Variants in NRG1 observed in about 807,000 individuals in gnomAD.
NRG1 encodes pro-neuregulin-1, membrane-bound isoform.
NRG1 carries 18 observed loss-of-function variants against 63.8 expected under a neutral mutation model. That is an observed-to-expected ratio of 0.28 (90% CI 0.19 to 0.42). NRG1 has a LOEUF of 0.42. Ranked by LOEUF, NRG1 falls within the 10% of genes least tolerant of loss-of-function variation. The pLI, the probability that NRG1 is intolerant of heterozygous loss-of-function variation, is 1.00. For synonymous variants in NRG1, 302 were observed against 301.3 expected (o/e 1.00, Z -0.02); for missense variants, 762 against 814.7 (o/e 0.94, Z 0.79).
At chr8:32,228,527 G>A (rs911029713) in intron 1 of NRG1, among the ~76,000 whole-genome samples, 18 of 152,004 alleles carry the variant, frequency 1.2e-4, no homozygotes, top group African/African-American at 3.4e-4. Context: ...TCAATGTCAC[G>A]GTGGAATCAT....
intron 1 of NRG1, among the ~76,000 whole-genome samples, chr8:31,761,939 G>A (rs1817605919): frequency 6.6e-6 from 1 of 152,096 alleles, no homozygotes; most frequent in Admixed American, 6.5e-5. Context: ...TAGCTTCTAT[G>A]TCCTTGTATG....
At chr8:31,917,883 G>A (rs1391068017) in intron 1 of NRG1, among the ~76,000 whole-genome samples, 2 of 152,066 alleles carry the variant, frequency 1.3e-5, no homozygotes, top group Non-Finnish European at 2.9e-5. Context: ...TAATTTCATT[G>A]AGCAGTGGTT....
Position 31,796,058 on chromosome 8 carries a change from A to G in NRG1, c.37+156627A>G, listed in dbSNP as rs118079400. On this transcript the variant is annotated intron_variant, in intron 1 of 10. Coordinates refer to the NRG1 transcript ENST00000519301. ...AAATATATATTTTAAACCAACAAGT[A>G]ATCTTTGCAAAAAAAATTTTGAATA... Among the ~76,000 whole-genome samples, 583 of 152,344 alleles carry G rather than the reference A, an allele frequency of 3.8e-3. 1 individual carries two copies. Among genetic ancestry groups the G allele is most frequent in the Middle Eastern group, 0.02 (6 of 294 alleles).
intron 1 of NRG1, among the ~76,000 whole-genome samples, chr8:31,870,461 CTT>C (rs1187358784): frequency 6.6e-6 from 1 of 151,944 alleles, no homozygotes; most frequent in Non-Finnish European, 1.5e-5. Flanking sequence ...TTAATATAAA[CTT>C]GAGGTATGTT....
chr8:31,957,120 T>C (rs1246637904), intron 1 of NRG1, among the ~76,000 whole-genome samples: 1 of 152,096 alleles, frequency 6.6e-6, no homozygotes, highest in East Asian at 1.9e-4. Flanking sequence ...AATGTTCTCA[T>C]GTACAAAAAA....
chr8:32,256,900 C>T (rs887736597), intron 1 of NRG1, among the ~76,000 whole-genome samples: 2 of 152,170 alleles, frequency 1.3e-5, no homozygotes, highest in Non-Finnish European at 2.9e-5. Context: ...CCCCTTCCCC[C>T]GGGTGCTCTG....
intron 1 of NRG1, among the ~76,000 whole-genome samples, chr8:31,700,953 G>A (rs878876706): frequency 1.3e-5 from 2 of 152,130 alleles, no homozygotes; most frequent in African/African-American, 4.8e-5. Context: ...TGCAGTTTGT[G>A]GTTGGACTTG....
intron 1 of NRG1, among the ~76,000 whole-genome samples, chr8:32,576,158 G>C (rs1017986025): frequency 6.6e-6 from 1 of 151,920 alleles, no homozygotes; most frequent in Non-Finnish European, 1.5e-5. Flanking sequence ...TACTCTCTTA[G>C]CAATTTTCAA....
At chr8:32,722,036 A>G in intron 5 of NRG1, 1 of 1,547,880 alleles carries the variant, frequency 6.5e-7, no homozygotes, top group Non-Finnish European at 8.7e-7. Context: ...CATTGAAGAT[A>G]TTACAGGTAA....
At chr8:32,353,599 A>T (rs937662472) in intron 1 of NRG1, among the ~76,000 whole-genome samples, 1 of 152,232 alleles carries the variant, frequency 6.6e-6, no homozygotes, top group African/African-American at 2.4e-5. Flanking sequence ...GAGAAATGCA[A>T]ATTAAAGCTA....
At chr8:31,855,088 G>C (rs1423660169) in intron 1 of NRG1, among the ~76,000 whole-genome samples, 1 of 152,090 alleles carries the variant, frequency 6.6e-6, no homozygotes, top group African/African-American at 2.4e-5. Flanking sequence ...TGTATATTCT[G>C]TTGATTTGGG....
chr8:31,863,072 C>T (rs1828620140), intron 1 of NRG1, among the ~76,000 whole-genome samples: 1 of 152,168 alleles, frequency 6.6e-6, no homozygotes, highest in Admixed American at 6.5e-5. Context: ...ATCCAGAAAT[C>T]ATTGGCTCTT....
At chr8:32,567,494 G>A (rs1050600891) in intron 1 of NRG1, among the ~76,000 whole-genome samples, 11 of 152,200 alleles carry the variant, frequency 7.2e-5, no homozygotes, top group Admixed American at 7.2e-4. Flanking sequence ...ATGATGTGTT[G>A]TTAGATGACT....
intron 1 of NRG1, among the ~76,000 whole-genome samples, chr8:31,647,595 T>C (rs569076748): frequency 1.2e-4 from 19 of 152,182 alleles, no homozygotes; most frequent in Non-Finnish European, 2.4e-4. Context: ...CCTTGGGAAG[T>C]GGTTCTGGCA....
intron 1 of NRG1, among the ~76,000 whole-genome samples, chr8:32,164,602 C>T (rs1311928645): frequency 6.6e-6 from 1 of 152,208 alleles, no homozygotes; most frequent in Non-Finnish European, 1.5e-5. Flanking sequence ...CCGCTTTTTA[C>T]ATTTTAACAC....
chr8:32,165,325 G>T (rs1327866477), intron 1 of NRG1, among the ~76,000 whole-genome samples: 7 of 151,786 alleles, frequency 4.6e-5, no homozygotes, highest in Admixed American at 3.3e-4. Context: ...AAACATTTTT[G>T]TAGAGATAGA....
At chr8:32,444,891 T>A (rs892317723) in intron 1 of NRG1, among the ~76,000 whole-genome samples, 11 of 152,204 alleles carry the variant, frequency 7.2e-5, no homozygotes, top group Non-Finnish European at 2.9e-5. Context: ...TCAAAGAGCC[T>A]CGATAGCTTT....
chr8:32,072,305 A>G lies in NRG1; in HGVS notation c.37+432874A>G, dbSNP rs992526714. Reference sequence around the variant, plus strand: ...ATTGAAAAAAAAAAAAAAAGTAAGAAAAAGAGGCCCTTAGTCATTCTGTTC... The same window carrying G: ...ATTGAAAAAAAAAAAAAAAGTAAGAGAAAGAGGCCCTTAGTCATTCTGTTC... On this transcript the variant is annotated intron_variant, in intron 1 of 10. Transcript: ENST00000519301. 2.0e-5 allele frequency among the ~76,000 whole-genome samples: 3 copies of G among 151,740 alleles called. No homozygotes were observed. In the East Asian group the frequency reaches 5.8e-4, roughly 29 times the overall value.
intron 1 of NRG1, among the ~76,000 whole-genome samples, chr8:32,566,602 CT>C (rs771269213): frequency 6.6e-6 from 1 of 152,072 alleles, no homozygotes; most frequent in Non-Finnish European, 1.5e-5. Flanking sequence ...TGAGATTTGC[CT>C]TAGAATTTGT....
Sources: gnomAD v4.1 joint callset for allele counts (sites outside exome capture counted in the v4.1 genomes callset) on GRCh38, gnomAD v4.1.1 for gene constraint, MANE v1.5 for transcripts, NCBI Gene and HGNC (gene_info 2026-07-23, HGNC 2026-07-21) for gene names.